USP9X: variants seen among roughly 807,000 people sequenced by gnomAD.
USP9X encodes ubiquitin specific peptidase 9 X-linked.
A neutral mutation model predicts 190.3 loss-of-function variants in USP9X; 7 were observed. That is an observed-to-expected ratio of 0.04 (90% CI 0.02 to 0.07). USP9X has a LOEUF of 0.07. USP9X is among the 10% of genes least tolerant of loss of function. The pLI, the probability that USP9X is intolerant of heterozygous loss-of-function variation, is 1.00. For missense variants in USP9X, 1,010 were observed against 1,916.9 expected (o/e 0.53, Z 8.83); for synonymous variants, 645 against 659.5 (o/e 0.98, Z 0.34).
At chrX:41,179,458 T>G (rs2062807540) in intron 21 of USP9X, among the ~76,000 whole-genome samples, 1 of 112,100 alleles carries the variant, frequency 8.9e-6, no homozygotes, top group Non-Finnish European at 1.9e-5. Context: ...GTAGTGATCT[T>G]TCTCCTCCTT....
At chrX:41,204,429 T>TA (rs1176462748) in intron 31 of USP9X, among the ~76,000 whole-genome samples, 2 of 98,837 alleles carry the variant, frequency 2.0e-5, no homozygotes, top group African/African-American at 3.7e-5. Context: ...TTTTTTTTTT[T>TA]AACAGTTCTG....
chrX:41,197,332 C>CCCCCA, intron 28 of USP9X, 32 bp from the exon 29 acceptor site: 1 of 211,281 alleles, frequency 4.7e-6, no homozygotes, highest in Non-Finnish European at 7.8e-6. Flanking sequence ...TTGATTTCTT[C>CCCCCA]CCCCCCCCAC....
chrX:41,195,351 T>C (rs1366491832), intron 26 of USP9X, among the ~76,000 whole-genome samples: 2 of 111,360 alleles, frequency 1.8e-5, no homozygotes, highest in African/African-American at 6.5e-5. Context: ...TCTCAATGTT[T>C]AGTGCACATC....
At chrX:41,163,049 A>C (rs879214249) in intron 15 of USP9X, among the ~76,000 whole-genome samples, 172 bp downstream of exon 15, 3 of 112,368 alleles carry the variant, frequency 2.7e-5, no homozygotes, top group Admixed American at 9.4e-5. Flanking sequence ...GCTGAGTTTT[A>C]ACTTTGTTGC....
At chrX:41,125,684 A>ACACACACACACACACACTCTCTCTCTCT in intron 2 of USP9X, among the ~76,000 whole-genome samples, 11 of 19,011 alleles carry the variant, frequency 5.8e-4, no homozygotes, top group South Asian at 3.7e-3. Flanking sequence ...ACACACACAC[A>ACACACACACACACACACTCTCTCTCTCT]CTCTCTCTCT....
At chrX:41,096,415 G>A (rs1055233591) in intron 1 of USP9X, among the ~76,000 whole-genome samples, 1 of 112,136 alleles carries the variant, frequency 8.9e-6, no homozygotes, top group Non-Finnish European at 1.9e-5. Flanking sequence ...TACTGGACTT[G>A]GAGTCACAAG....
intron 2 of USP9X, among the ~76,000 whole-genome samples, chrX:41,125,380 A>AT (rs35160092): frequency 1.7e-3 from 171 of 100,253 alleles, no homozygotes; most frequent in African/African-American, 5.4e-3. Flanking sequence ...CGGCCGATCC[A>AT]TTTTTTTTTT....
chrX:41,155,586 A>G (rs2062570406), intron 14 of USP9X, among the ~76,000 whole-genome samples: 1 of 111,615 alleles, frequency 9.0e-6, no homozygotes, highest in Non-Finnish European at 1.9e-5. Flanking sequence ...TTTTCCATCC[A>G]ACAGTAACAG....
At position 41,151,143 on chromosome X, in the gene USP9X, A is replaced by C. The variant is rs372736987; in HGVS notation, c.1763+86A>C. Reference sequence around the variant, plus strand: ...AACAGCATATTGGCTGGCAAATGCAAATTTTTAAATTAGTGGAGTGAGAAG... The same window carrying C: ...AACAGCATATTGGCTGGCAAATGCACATTTTTAAATTAGTGGAGTGAGAAG... On this transcript the variant is annotated intron_variant, in intron 13 of 44. Transcript: ENST00000378308. The C allele has an allele frequency of 1.8e-3, 1,769 of 957,843 alleles. 3 individuals carry two copies. The highest frequency in any genetic ancestry group is 2.4e-3 in the Non-Finnish European group (1,680 of 714,430). 78.9% of individuals were successfully genotyped at this position (957,843 alleles called of 1,213,427 possible).
chrX:41,144,639 A>T lies in USP9X; in HGVS notation c.1419+13A>T. On this transcript the variant is annotated intron_variant, in intron 11 of 44. Coordinates refer to ENST00000378308, the MANE Select transcript of USP9X (RefSeq NM_001039591.3). ...TGATTGTTTTAAGGTAATTGTTAACATAGCAAAATATTACCATTCTATTTC... is the reference window on the plus strand; with the variant it reads ...TGATTGTTTTAAGGTAATTGTTAACTTAGCAAAATATTACCATTCTATTTC... The T allele has an allele frequency of 9.1e-7, 1 of 1,104,452 alleles. No homozygotes were observed. Among genetic ancestry groups the T allele is most frequent in the Non-Finnish European group, 1.2e-6 (1 of 800,046 alleles). The allele number at this position is 1,104,452 out of a possible 1,213,427, so 91.0% of individuals were successfully genotyped here.
At chrX:41,199,469 C>T (rs181106565) in intron 30 of USP9X, among the ~76,000 whole-genome samples, 1,316 of 111,085 alleles carry the variant, frequency 0.012, 7 homozygotes, top group Non-Finnish European at 0.016. Context: ...AGTGCAGTGG[C>T]GCGATCTCGG....
At chrX:41,113,830 TC>T (rs1193642848) in intron 1 of USP9X, among the ~76,000 whole-genome samples, 1 of 112,499 alleles carries the variant, frequency 8.9e-6, no homozygotes, top group African/African-American at 3.2e-5. Flanking sequence ...TAGATAATAA[TC>T]TATTTACTAC....
In USP9X at chrX:41,170,103, A is replaced by G; in HGVS notation, c.2745A>G (p.Val915=). The part of the protein sequence containing the change: ...WSHTNDTIGS[V]RRCILNRIKA... Reference sequence around the variant, plus strand: ...ATACAAATGATACAATTGGTTCAGTACGACGATGTATTCTCAATCGTATTA... The same window carrying G: ...ATACAAATGATACAATTGGTTCAGTGCGACGATGTATTCTCAATCGTATTA... The change falls in exon 19 of 45, where the codon GTA becomes GTG. Residue 915 remains valine, a synonymous_variant. Coordinates refer to ENST00000378308, the MANE Select transcript of USP9X (RefSeq NM_001039591.3). 1 of 1,211,896 alleles carries G rather than the reference A, an allele frequency of 8.3e-7. No homozygotes were observed. Among genetic ancestry groups the G allele is most frequent in the Non-Finnish European group, 1.1e-6 (1 of 895,570 alleles).
intron 41 of USP9X, among the ~76,000 whole-genome samples, chrX:41,228,075 T>C (rs944241752): frequency 3.6e-5 from 4 of 110,885 alleles, no homozygotes; most frequent in Non-Finnish European, 7.6e-5. Flanking sequence ...CTTCTAACCC[T>C]GGCAACCACT....
intron 14 of USP9X, among the ~76,000 whole-genome samples, chrX:41,155,401 T>A (rs1022479818): frequency 4.5e-5 from 5 of 112,027 alleles, no homozygotes; most frequent in African/African-American, 1.3e-4. Context: ...TAGTTTTCAC[T>A]CAAGTTTTAA....
intron 20 of USP9X, 22 bp downstream of exon 20, chrX:41,170,641 CTACT>C: frequency 8.4e-7 from 1 of 1,197,292 alleles, no homozygotes; most frequent in East Asian, 3.0e-5. Flanking sequence ...CAGTTTTGAA[CTACT>C]GTATGTAAGG....
At chrX:41,161,161 G>A (rs1165679087) in intron 14 of USP9X, among the ~76,000 whole-genome samples, 3 of 110,633 alleles carry the variant, frequency 2.7e-5, no homozygotes, top group Non-Finnish European at 5.7e-5. Context: ...AATACTCATT[G>A]AAGTATTTAA....
At position 41,210,615 on chromosome X, in the gene USP9X, G is replaced by A; in HGVS notation, c.5122G>A (p.Ala1708Thr). The change falls in exon 33 of 45, where the codon GCT becomes ACT. Residue 1708 changes from alanine to threonine, a missense_variant. Transcript: ENST00000378308. ...DEALKALGHP[A>T]MLSKVLGGSF... ...AGCTTTAAAAGCTTTAGGACATCCA[G>A]CTATGCTAAGTAAAGTCTTAGGAGG... The A allele has an allele frequency of 8.3e-7, 1 of 1,211,135 alleles. No homozygotes were observed. Among genetic ancestry groups the A allele is most frequent in the East Asian group, 3.0e-5 (1 of 33,856 alleles).
chrX:41,162,971 T>C, intron 15 of USP9X, 94 bp downstream of exon 15: 1 of 560,471 alleles, frequency 1.8e-6, no homozygotes, highest in Non-Finnish European at 2.6e-6. Context: ...TTGGGTGGCC[T>C]TTTCCCAAGT....
Sources: allele counts gnomAD v4.1 joint callset (sites outside exome capture counted in the v4.1 genomes callset), GRCh38; gene constraint gnomAD v4.1.1; transcripts MANE v1.5; gene names NCBI Gene and HGNC (gene_info 2026-07-23, HGNC 2026-07-21).